The following BEGAIN variants were observed in gnomAD, a reference collection of about 807,000 sequenced individuals.
The protein encoded by BEGAIN is brain enriched guanylate kinase associated.
BEGAIN carries 19 observed loss-of-function variants against 35.8 expected under a neutral mutation model. The ratio of observed to expected loss-of-function variants is 0.53; its 90% CI spans 0.37 to 0.78. BEGAIN has a LOEUF of 0.78. BEGAIN is among the 30% of genes least tolerant of loss of function. The probability of loss-of-function intolerance (pLI) is 0.00; values close to 1 mark genes in which losing one functional copy is unlikely to be tolerated. For missense variants in BEGAIN, 795 were observed against 853.6 expected (o/e 0.93, Z 0.85); for synonymous variants, 462 against 388.6 (o/e 1.19, Z -2.22).
At chr14:100,560,776 C>T (rs919625395) in intron 2 of BEGAIN, among the ~76,000 whole-genome samples, 2 of 152,214 alleles carry the variant, frequency 1.3e-5, no homozygotes, top group Non-Finnish European at 1.5e-5. Context: ...CTGCTGCGTT[C>T]ACCTGACAAG....
At position 100,586,566 on chromosome 14, in the gene BEGAIN, G is replaced by A. The variant is rs901417487; in HGVS notation, c.42+683C>T. On this transcript the variant is annotated intron_variant, in intron 1 of 6. Coordinates refer to ENST00000554140, the MANE Select transcript of BEGAIN (RefSeq NM_001385089.1). The surrounding 1 kb of genome is among the most constrained non-coding windows in gnomAD (Gnocchi z 4.9). ...ACCAAGCAGGAAGCGGAAACGCTGG[G>A]GCAGAAATTCCCATCCAACGTGCTG... is the stretch of plus-strand genomic sequence containing the variant. 1.3e-5 allele frequency among the ~76,000 whole-genome samples: 2 copies of A among 152,154 alleles called. No homozygotes were observed. Among genetic ancestry groups the A allele is most frequent in the Non-Finnish European group, 2.9e-5 (2 of 68,022 alleles).
chr14:100,555,401 C>T (rs537375713), intron 2 of BEGAIN, among the ~76,000 whole-genome samples: 1 of 152,374 alleles, frequency 6.6e-6, no homozygotes, highest in Non-Finnish European at 1.5e-5. Flanking sequence ...CTCCAACTTG[C>T]TCCTGCTGCG....
At chr14:100,557,503 T>C (rs1384500065) in intron 2 of BEGAIN, among the ~76,000 whole-genome samples, 2 of 152,192 alleles carry the variant, frequency 1.3e-5, no homozygotes, top group Admixed American at 6.5e-5. Context: ...AGCTCAGGCC[T>C]GAGGATGCCC....
At chr14:100,572,322 C>G (rs1195201774) in intron 1 of BEGAIN, among the ~76,000 whole-genome samples, 1 of 152,216 alleles carries the variant, frequency 6.6e-6, no homozygotes, top group Non-Finnish European at 1.5e-5. Flanking sequence ...CCCCCTAAAT[C>G]CGGCTGATTT....
chr14:100,544,995 C>T lies in BEGAIN; in HGVS notation c.300+5G>A. ...GGGGGAGTGGGCGCTGCGTGGCGGC[C>T]TCACCATGCGGTACAGCTTGTCCTC... is the stretch of plus-strand genomic sequence containing the variant. On this transcript the variant is annotated splice_donor_5th_base_variant and intron_variant, in intron 4 of 6. Transcript: ENST00000554140. 6.2e-7 allele frequency: 1 copy of T among 1,611,554 alleles called. No individual in the cohort carries two copies. The highest frequency in any genetic ancestry group is 8.5e-7 in the Non-Finnish European group (1 of 1,179,910).
intron 2 of BEGAIN, among the ~76,000 whole-genome samples, chr14:100,560,058 C>A (rs2034106334): frequency 6.6e-6 from 1 of 152,186 alleles, no homozygotes; most frequent in Non-Finnish European, 1.5e-5. Flanking sequence ...GTCATGTGGA[C>A]TATTTACTCT....
chr14:100,565,560 C>T (rs1349243156), intron 2 of BEGAIN, among the ~76,000 whole-genome samples: 2 of 152,176 alleles, frequency 1.3e-5, no homozygotes, highest in African/African-American at 4.8e-5. Context: ...GGGGCCAGGA[C>T]CAGCACTCTC....
chr14:100,544,397 A>G (rs1196003017), intron 4 of BEGAIN, among the ~76,000 whole-genome samples: 1 of 152,186 alleles, frequency 6.6e-6, no homozygotes, highest in Non-Finnish European at 1.5e-5. Context: ...CTCTGATAGC[A>G]CCACAAAGGT....
chr14:100,537,848 C>G lies in BEGAIN; in HGVS notation c.*121G>C. On this transcript the variant is annotated 3_prime_UTR_variant, in exon 7 of 7. Coordinates refer to ENST00000554140, the MANE Select transcript of BEGAIN (RefSeq NM_001385089.1). Reference sequence around the variant, plus strand: ...GGAGGAGAGGAGGTGCGGGGAGGAACAGACTCCTCGTTGTTGGCCGGGGCA... The same window carrying G: ...GGAGGAGAGGAGGTGCGGGGAGGAAGAGACTCCTCGTTGTTGGCCGGGGCA... 2 of 1,394,504 alleles carry G rather than the reference C, an allele frequency of 1.4e-6. No individual in the cohort carries two copies. The highest frequency in any genetic ancestry group is 9.4e-7 in the Non-Finnish European group (1 of 1,060,212). The allele number at this position is 1,394,504 out of a possible 1,614,324, so 86.4% of individuals were successfully genotyped here.
chr14:100,555,672 G>A (rs2033646408), intron 2 of BEGAIN, among the ~76,000 whole-genome samples: 1 of 152,238 alleles, frequency 6.6e-6, no homozygotes, highest in African/African-American at 2.4e-5. Flanking sequence ...AGATTTTAAT[G>A]TAAATAGTAG....
At chr14:100,549,000 C>T (rs1392777264) in intron 2 of BEGAIN, 4 of 152,334 alleles carry the variant, frequency 2.6e-5, no homozygotes, top group Non-Finnish European at 5.9e-5. Flanking sequence ...CAGCCCCTGA[C>T]TCTCACACCC....
chr14:100,540,438 C>T, intron 6 of BEGAIN, 58 bp downstream of exon 6: 1 of 1,365,140 alleles, frequency 7.3e-7, no homozygotes, highest in Non-Finnish European at 1.0e-6. Context: ...GTAGCACTGG[C>T]ACAAAAGGAG....
At chr14:100,559,690 C>T (rs1022193804) in intron 2 of BEGAIN, among the ~76,000 whole-genome samples, 4 of 152,206 alleles carry the variant, frequency 2.6e-5, no homozygotes, top group African/African-American at 4.8e-5. Flanking sequence ...CTGATCAGAG[C>T]GGTGGACACT....
In BEGAIN at chr14:100,573,579, G is replaced by A. The variant is rs1180559697; in HGVS notation, c.43-5640C>T. On this transcript the variant is annotated intron_variant, in intron 1 of 6. Coordinates refer to ENST00000554140, the MANE Select transcript of BEGAIN (RefSeq NM_001385089.1). The surrounding 1 kb of genome is among the most constrained non-coding windows in gnomAD (Gnocchi z 4.2). ...CAGGCCCACGGGGCCTGGGGTGGAG[G>A]TGGGAGGGATTCTCAGATTCCCAGG... 6.6e-6 allele frequency among the ~76,000 whole-genome samples: 1 copy of A among 152,198 alleles called. No individual in the cohort carries two copies. Among genetic ancestry groups the A allele is most frequent in the Non-Finnish European group, 1.5e-5 (1 of 68,026 alleles).
At chr14:100,572,809 C>G (rs991486751) in intron 1 of BEGAIN, among the ~76,000 whole-genome samples, 2 of 152,182 alleles carry the variant, frequency 1.3e-5, no homozygotes, top group Non-Finnish European at 2.9e-5. Flanking sequence ...AGCCAGCCTT[C>G]TAACTGATCA....
chr14:100,539,416 G>C lies in BEGAIN; in HGVS notation c.493-101C>G. The C allele has an allele frequency of 3.4e-6, 5 of 1,467,634 alleles. No homozygotes were observed. The South Asian group carries it at 4.3e-5, about 12-fold the overall frequency. The allele number at this position is 1,467,634 out of a possible 1,614,324, so 90.9% of individuals were successfully genotyped here. ...CTGAGGACTGATGTTAGCCATGACCGACAGGCAGACAGACGAACGGGGGCC... is the reference window on the plus strand; with the variant it reads ...CTGAGGACTGATGTTAGCCATGACCCACAGGCAGACAGACGAACGGGGGCC... On this transcript the variant is annotated intron_variant, in intron 6 of 6. Coordinates refer to ENST00000554140, the MANE Select transcript of BEGAIN (RefSeq NM_001385089.1).
intron 2 of BEGAIN, 46 bp from the exon 3 acceptor site, chr14:100,546,708 G>C (rs777591206): frequency 2.0e-6 from 3 of 1,514,618 alleles, no homozygotes; most frequent in Non-Finnish European, 2.6e-6. Context: ...CGCTGAGCGG[G>C]GGAAACTAAG....
At chr14:100,542,466 G>A (rs1444784072) in intron 5 of BEGAIN, among the ~76,000 whole-genome samples, 5 of 152,148 alleles carry the variant, frequency 3.3e-5, no homozygotes, top group Non-Finnish European at 5.9e-5. Flanking sequence ...CGGCCTTCAC[G>A]CTCAACTCCA....
intron 5 of BEGAIN, among the ~76,000 whole-genome samples, chr14:100,543,414 A>T (rs1234604653): frequency 6.6e-6 from 1 of 151,160 alleles, no homozygotes; most frequent in Non-Finnish European, 1.5e-5. Flanking sequence ...GGGTCTGTGG[A>T]GGGCAACTGG....
Sources: allele counts gnomAD v4.1 joint callset (sites outside exome capture counted in the v4.1 genomes callset), GRCh38; gene constraint gnomAD v4.1.1; non-coding constraint Gnocchi (gnomAD v3.1); transcripts MANE v1.5; gene names NCBI Gene and HGNC (gene_info 2026-07-23, HGNC 2026-07-21).